TP63: variants seen among roughly 807,000 people sequenced by gnomAD.
The protein encoded by TP63 is tumor protein 63.
In TP63, 17 loss-of-function variants were observed where a neutral mutation model predicts 82.8. The ratio of observed to expected loss-of-function variants is 0.21; its 90% CI spans 0.14 to 0.31. The LOEUF (loss-of-function observed/expected upper bound fraction) is 0.31. Among genes scored for constraint, TP63 ranks in the 10% least tolerant of loss-of-function variants. The pLI is 1.00. For missense variants in TP63, 648 were observed against 895.3 expected (o/e 0.72, Z 3.52); for synonymous variants, 330 against 321.7 (o/e 1.03, Z -0.28).
At chr3:189,726,421 A>G (rs1269591465) in intron 1 of TP63, among the ~76,000 whole-genome samples, 1 of 152,212 alleles carries the variant, frequency 6.6e-6, no homozygotes, top group Admixed American at 6.5e-5. Context: ...AAGGTTCAAT[A>G]TGATACATAA....
At chr3:189,701,552 TTTATATATATG>T (rs1717809070) in intron 1 of TP63, among the ~76,000 whole-genome samples, 1 of 147,846 alleles carries the variant, frequency 6.8e-6, no homozygotes, top group Non-Finnish European at 1.5e-5. Context: ...TATATGTAAT[TTTATATATATG>T]TTATATATAT....
At chr3:189,622,924 C>G in the TP63 span, among the ~76,000 whole-genome samples, 2 of 152,144 alleles carry the variant, frequency 1.3e-5, no homozygotes, top group African/African-American at 4.8e-5. Context: ...CGATACAAAG[C>G]CTTGTTATTT....
chr3:189,820,769 T>A (rs1353353584), intron 4 of TP63, among the ~76,000 whole-genome samples: 2 of 152,244 alleles, frequency 1.3e-5, no homozygotes, highest in Non-Finnish European at 2.9e-5. Context: ...TCAAATAGCA[T>A]GTTAAAATTC....
At chr3:189,654,594 T>TG in intron 1 of TP63, among the ~76,000 whole-genome samples, 1 of 152,326 alleles carries the variant, frequency 6.6e-6, no homozygotes, top group Non-Finnish European at 1.5e-5. Flanking sequence ...ATGTTTACCT[T>TG]GGGATAGCCT....
intron 1 of TP63, among the ~76,000 whole-genome samples, chr3:189,675,905 G>A (rs1715349347): frequency 6.6e-6 from 1 of 151,638 alleles, no homozygotes; most frequent in African/African-American, 2.4e-5. Context: ...GAATAAGCAT[G>A]TGCTCCCACA....
intron 3 of TP63, among the ~76,000 whole-genome samples, chr3:189,763,221 C>A (rs923112568): frequency 5.3e-5 from 8 of 152,156 alleles, no homozygotes; most frequent in African/African-American, 1.9e-4. Flanking sequence ...CTGCAGTGAT[C>A]CGTGACTGTG....
the TP63 span, among the ~76,000 whole-genome samples, chr3:189,605,473 A>G: frequency 6.6e-6 from 1 of 152,252 alleles, no homozygotes; most frequent in South Asian, 2.1e-4. Context: ...CCAGAGTCAT[A>G]TGTTTGCTTA....
intron 1 of TP63, among the ~76,000 whole-genome samples, chr3:189,691,355 A>AAAAAAAAAAAAAAG (rs1553813522): frequency 2.8e-5 from 4 of 143,918 alleles, no homozygotes; most frequent in Non-Finnish European, 6.0e-5. Flanking sequence ...AAAAAAAAAA[A>AAAAAAAAAAAAAAG]AAAAAGAAAA....
intron 10 of TP63, chr3:189,873,394 C>G: frequency 3.4e-6 from 1 of 298,140 alleles, no homozygotes; most frequent in Non-Finnish European, 6.5e-6. Flanking sequence ...GGGATGCACA[C>G]TATCCACTTT....
intron 1 of TP63, among the ~76,000 whole-genome samples, chr3:189,669,305 C>T (rs1382732881): frequency 2.0e-5 from 3 of 149,558 alleles, no homozygotes; most frequent in African/African-American, 7.4e-5. Flanking sequence ...AGAATGAAGA[C>T]ATTTATGGTA....
At chr3:189,748,348 CA>C (rs1721532804) in intron 3 of TP63, among the ~76,000 whole-genome samples, 2 of 151,608 alleles carry the variant, frequency 1.3e-5, no homozygotes, top group East Asian at 3.9e-4. Flanking sequence ...TTGCAGGATA[CA>C]AAAATCAAAA....
intron 1 of TP63, among the ~76,000 whole-genome samples, chr3:189,644,287 C>T (rs1712201178): frequency 6.6e-6 from 1 of 151,702 alleles, no homozygotes; most frequent in South Asian, 2.1e-4. Context: ...CTTCCCCTCT[C>T]TCATACCCCC....
intron 3 of TP63, among the ~76,000 whole-genome samples, chr3:189,740,935 A>G (rs1333378574): frequency 6.6e-6 from 1 of 152,198 alleles, no homozygotes; most frequent in Non-Finnish European, 1.5e-5. Flanking sequence ...CCTAGTAATT[A>G]CTTCTTACAC....
intron 3 of TP63, among the ~76,000 whole-genome samples, chr3:189,802,768 T>C (rs1282398906): frequency 1.3e-5 from 2 of 152,182 alleles, no homozygotes; most frequent in East Asian, 1.9e-4. Context: ...CACTCATGGA[T>C]TATAAATACA....
At chr3:189,709,730 G>A (rs1053211581) in intron 1 of TP63, among the ~76,000 whole-genome samples, 1 of 152,100 alleles carries the variant, frequency 6.6e-6, no homozygotes, top group Admixed American at 6.5e-5. Context: ...CATTTGTCCT[G>A]TTCTCTGATT....
chr3:189,870,332 AT>A (rs1276105428), intron 9 of TP63, among the ~76,000 whole-genome samples: 3 of 152,254 alleles, frequency 2.0e-5, no homozygotes, highest in African/African-American at 7.2e-5. Flanking sequence ...CAATAAAAAA[AT>A]ACACCAATCA....
chr3:189,836,552 C>T (rs926961809), intron 4 of TP63, among the ~76,000 whole-genome samples: 4 of 152,140 alleles, frequency 2.6e-5, no homozygotes, highest in African/African-American at 9.7e-5. Flanking sequence ...CTACCAGAAA[C>T]TTAAAACTTG....
intron 4 of TP63, among the ~76,000 whole-genome samples, chr3:189,842,501 C>T (rs985442962): frequency 2.0e-5 from 3 of 152,158 alleles, no homozygotes; most frequent in African/African-American, 7.2e-5. Context: ...TCTGCCCATC[C>T]AGGGTTTCTA....
At chr3:189,709,829 T>C (rs1718465102) in intron 1 of TP63, among the ~76,000 whole-genome samples, 1 of 152,124 alleles carries the variant, frequency 6.6e-6, no homozygotes, top group Non-Finnish European at 1.5e-5. Context: ...TAACTCAGGA[T>C]TGTAGTTTTC....
Sources: allele counts gnomAD v4.1 joint callset (sites outside exome capture counted in the v4.1 genomes callset), GRCh38; gene constraint gnomAD v4.1.1; transcripts MANE v1.5; gene names NCBI Gene and HGNC (gene_info 2026-07-23, HGNC 2026-07-21).